Variants in SAMD5 observed in about 807,000 individuals in gnomAD.
SAMD5 encodes the protein sterile alpha motif domain-containing protein 5.
SAMD5 carries 13 observed loss-of-function variants against 11.3 expected under a neutral mutation model. The observed-to-expected ratio is 1.15, with a 90% confidence interval of 0.75 to 1.83. The LOEUF (loss-of-function observed/expected upper bound fraction) is 1.83. Ranked by LOEUF, SAMD5 falls within the 40% of genes most tolerant of loss-of-function variation. SAMD5 has a pLI of 0.00. For missense variants in SAMD5, 255 were observed against 239.1 expected, an observed-to-expected ratio of 1.07 and a Z score of -0.44; for synonymous variants, 129 against 111.3, an observed-to-expected ratio of 1.16 and a Z score of -1.00.
chr6:147,933,379 CA>C, the SAMD5 span, among the ~76,000 whole-genome samples: 2 of 152,192 alleles, frequency 1.3e-5, no homozygotes, highest in African/African-American at 4.8e-5. Context: ...TGAAGAGAGA[CA>C]CCCAATTAAG....
the SAMD5 span, among the ~76,000 whole-genome samples, chr6:147,772,203 C>A: frequency 1.3e-5 from 2 of 152,156 alleles, no homozygotes; most frequent in South Asian, 4.1e-4. Flanking sequence ...TGCCAGATAA[C>A]TTAGGAAAGT....
chr6:147,510,583 T>C (rs1788073238), intron 1 of SAMD5, among the ~76,000 whole-genome samples: 1 of 152,172 alleles, frequency 6.6e-6, no homozygotes, highest in Admixed American at 6.5e-5. Context: ...AGTATTGCTG[T>C]AGAATCTTAA....
chr6:147,835,664 A>G, the SAMD5 span, among the ~76,000 whole-genome samples: 1,378 of 152,132 alleles, frequency 9.1e-3, 28 homozygotes, highest in African/African-American at 0.031. Flanking sequence ...CCATATCACA[A>G]GCAGCTGAGC....
At chr6:147,660,335 G>A (rs1790630144) in intron 1 of SAMD5, among the ~76,000 whole-genome samples, 3 of 152,130 alleles carry the variant, frequency 2.0e-5, no homozygotes, top group Admixed American at 2.0e-4. Context: ...AGTTCACCAT[G>A]CCCTGGGAGA....
chr6:147,715,662 T>A (rs1791455971), intron 1 of SAMD5, among the ~76,000 whole-genome samples: 3 of 152,190 alleles, frequency 2.0e-5, no homozygotes, highest in Admixed American at 1.3e-4. Context: ...AGGTCCCAAG[T>A]TCTCGTCCTG....
the SAMD5 span, among the ~76,000 whole-genome samples, chr6:147,844,725 A>G: frequency 6.6e-6 from 1 of 152,124 alleles, no homozygotes; most frequent in Non-Finnish European, 1.5e-5. Flanking sequence ...AGCCTAGATG[A>G]TATTATGTTA....
At chr6:147,771,333 A>G in the SAMD5 span, among the ~76,000 whole-genome samples, 1 of 152,190 alleles carries the variant, frequency 6.6e-6, no homozygotes, top group South Asian at 2.1e-4. Flanking sequence ...ACTGACTGCT[A>G]AAGCGTGAAA....
the SAMD5 span, among the ~76,000 whole-genome samples, chr6:147,897,838 G>A: frequency 1.3e-5 from 2 of 151,068 alleles, no homozygotes; most frequent in African/African-American, 2.4e-5. Flanking sequence ...ACAGCTACTC[G>A]GGAGGCTGAG....
At chr6:147,935,800 A>G in the SAMD5 span, among the ~76,000 whole-genome samples, 4 of 152,176 alleles carry the variant, frequency 2.6e-5, no homozygotes, top group Non-Finnish European at 5.9e-5. Flanking sequence ...TAAGTTATCT[A>G]CCAGGTTCTA....
chr6:147,547,718 C>T (rs1788708407), intron 1 of SAMD5, among the ~76,000 whole-genome samples: 1 of 152,286 alleles, frequency 6.6e-6, no homozygotes, highest in Middle Eastern at 3.4e-3. Flanking sequence ...CATATATTCA[C>T]AGGCTCCACC....
chr6:147,755,945 G>T, the SAMD5 span, among the ~76,000 whole-genome samples: 1 of 152,062 alleles, frequency 6.6e-6, no homozygotes, highest in Non-Finnish European at 1.5e-5. Context: ...TAGACTCCTT[G>T]CACAGACAAT....
At chr6:147,823,326 A>G in the SAMD5 span, among the ~76,000 whole-genome samples, 1 of 152,168 alleles carries the variant, frequency 6.6e-6, no homozygotes, top group East Asian at 1.9e-4. Context: ...CTCCAAGGGT[A>G]TCATATCACC....
At chr6:147,905,529 T>C in the SAMD5 span, among the ~76,000 whole-genome samples, 1 of 152,142 alleles carries the variant, frequency 6.6e-6, no homozygotes, top group Non-Finnish European at 1.5e-5. Flanking sequence ...AAAATATGGA[T>C]AGGCAAAAAC....
At chr6:147,564,300 A>C in intron 1 of SAMD5, 94 bp from the exon 2 acceptor site, 1 of 740,950 alleles carries the variant, frequency 1.3e-6, no homozygotes, top group South Asian at 1.5e-5. Flanking sequence ...AAGGGACAAG[A>C]ATGACTTAAA....
the SAMD5 span, among the ~76,000 whole-genome samples, chr6:147,867,700 G>A: frequency 6.6e-6 from 1 of 152,124 alleles, no homozygotes; most frequent in Non-Finnish European, 1.5e-5. Flanking sequence ...AAGTGGCTAA[G>A]GCCAAAGGAG....
chr6:147,705,965 G>A (rs770831073), intron 1 of SAMD5, among the ~76,000 whole-genome samples: 25 of 152,140 alleles, frequency 1.6e-4, no homozygotes, highest in Non-Finnish European at 3.1e-4. Context: ...CCCATCCAGA[G>A]AAACCAGAAA....
At chr6:147,647,814 A>G (rs978701080) in intron 1 of SAMD5, among the ~76,000 whole-genome samples, 70 of 152,190 alleles carry the variant, frequency 4.6e-4, no homozygotes, top group Non-Finnish European at 7.8e-4. Context: ...GGCATCGCTC[A>G]CTGAATAACT....
In SAMD5 at chr6:147,564,847, A is replaced by G; in HGVS notation, c.*391A>G. ...AAAAGGTAGATTTCTGACAGTAAGT[A>G]GTAATTATATTATTTCCAAATTTGC... On this transcript the variant is annotated 3_prime_UTR_variant, in exon 2 of 2. Coordinates refer to ENST00000367474, the MANE Select transcript of SAMD5 (RefSeq NM_001030060.3). The G allele has an allele frequency of 3.1e-6, 3 of 953,014 alleles. No homozygotes were observed. Among genetic ancestry groups the G allele is most frequent in the Non-Finnish European group, 3.8e-6 (3 of 799,202 alleles). 59.0% of individuals were successfully genotyped at this position (953,014 alleles called of 1,614,324 possible). A position where few individuals can be genotyped will look rare whatever the true frequency, so the allele number is the denominator to read the frequency against.
the SAMD5 span, among the ~76,000 whole-genome samples, chr6:147,871,437 C>T: frequency 4.6e-5 from 7 of 151,620 alleles, no homozygotes; most frequent in East Asian, 1.9e-4. Flanking sequence ...CCCACTGAAA[C>T]GGAAAAAACA....
Sources: allele counts gnomAD v4.1 joint callset (sites outside exome capture counted in the v4.1 genomes callset), GRCh38; gene constraint gnomAD v4.1.1; transcripts MANE v1.5; gene names NCBI Gene and HGNC (gene_info 2026-07-23, HGNC 2026-07-21).